The following SLC25A48 variants were observed in gnomAD, a reference collection of about 807,000 sequenced individuals.
SLC25A48 encodes CTC-321K16.1.
Under a neutral mutation model 32.2 loss-of-function variants are expected in SLC25A48, and 29 were observed. The ratio of observed to expected loss-of-function variants is 0.90; its 90% CI spans 0.67 to 1.23. SLC25A48 has a LOEUF of 1.23. Among genes scored for constraint, SLC25A48 ranks in the 50% most tolerant of loss-of-function variants. The pLI, the probability that SLC25A48 is intolerant of heterozygous loss-of-function variation, is 0.00. For synonymous variants in SLC25A48, 164 were observed against 172.3 expected, an observed-to-expected ratio of 0.95 and a Z score of 0.38; for missense variants, 399 against 422.7, an observed-to-expected ratio of 0.94 and a Z score of 0.49.
intron 2 of SLC25A48, among the ~76,000 whole-genome samples, chr5:135,843,198 A>T (rs1412291263): frequency 3.9e-5 from 6 of 152,222 alleles, no homozygotes; most frequent in Admixed American, 2.0e-4. Context: ...CCCAGGGGAC[A>T]TCCCAATGCA....
intron 3 of SLC25A48, among the ~76,000 whole-genome samples, chr5:135,737,280 G>T (rs71587588): frequency 0.067 from 10,188 of 152,046 alleles, 567 homozygotes; most frequent in East Asian, 0.32. Flanking sequence ...TGGCTGGCAG[G>T]GGTGGGGGTC....
chr5:135,643,292 T>C (rs898162489), intron 3 of SLC25A48, among the ~76,000 whole-genome samples: 5 of 152,202 alleles, frequency 3.3e-5, no homozygotes, highest in African/African-American at 1.2e-4. Context: ...CTTGTGTGTT[T>C]TCAGCCCTTC....
At chr5:135,586,603 A>G (rs1366640218) in intron 1 of SLC25A48, among the ~76,000 whole-genome samples, 1 of 152,184 alleles carries the variant, frequency 6.6e-6, no homozygotes, top group African/African-American at 2.4e-5. Context: ...CTAAGCTCTC[A>G]TAGGGCACAG....
At chr5:135,615,348 A>G (rs1403918189) in intron 1 of SLC25A48, among the ~76,000 whole-genome samples, 1 of 152,196 alleles carries the variant, frequency 6.6e-6, no homozygotes, top group East Asian at 1.9e-4. Flanking sequence ...TCTCAGATAC[A>G]GGTGAGGAAC....
Position 135,767,546 on chromosome 5 carries a change from G to A in SLC25A48, c.-520-44977G>A, listed in dbSNP as rs145405444. 3.8e-4 allele frequency among the ~76,000 whole-genome samples: 57 copies of A among 151,914 alleles called. No individual in the cohort carries two copies. The East Asian group carries it at 8.1e-3, about 22-fold the overall frequency. ...ACTTTCAATATCGTAAACACTCTGT[G>A]TACACCCTCTGTGATATTTTTTGTA... is the stretch of plus-strand genomic sequence containing the variant. On this transcript the variant is annotated intron_variant, in intron 3 of 10. Coordinates refer to the SLC25A48 transcript ENST00000646290.
At chr5:135,886,588 A>AATATATATATATATATATATAT (rs147005349) in intron 7 of SLC25A48, among the ~76,000 whole-genome samples, 1 of 35,450 alleles carries the variant, frequency 2.8e-5, no homozygotes, top group Non-Finnish European at 4.7e-5. Flanking sequence ...TATTTAACCA[A>AATATATATATATATATATATAT]ATATATATAT....
At chr5:135,814,110 G>T (rs1757656771) in intron 4 of SLC25A48, among the ~76,000 whole-genome samples, 2 of 152,218 alleles carry the variant, frequency 1.3e-5, no homozygotes, top group South Asian at 2.1e-4. Flanking sequence ...AATCTGCGCT[G>T]CAGTTGAGCC....
chr5:135,615,641 G>T (rs143818480), intron 1 of SLC25A48, among the ~76,000 whole-genome samples: 1 of 152,208 alleles, frequency 6.6e-6, no homozygotes, highest in African/African-American at 2.4e-5. Context: ...CAGCCCGGCC[G>T]TATGGTAGAG....
Position 135,743,331 on chromosome 5 carries a change from C to G in SLC25A48, c.-520-69192C>G, listed in dbSNP as rs143281415. Among the ~76,000 whole-genome samples the G allele has an allele frequency of 6.6e-3, 1,003 of 151,702 alleles. 16 individuals carry two copies. Among genetic ancestry groups the G allele is most frequent in the African/African-American group, 0.023 (968 of 41,340 alleles). ...AAGTGATCCACCCGCCTCGGCCTCC[C>G]AAAGTGTTGGAATTAAAGGCATGAG... On this transcript the variant is annotated intron_variant, in intron 3 of 10. Transcript: ENST00000646290.
At chr5:135,847,443 AATGGTCCCCAG>A (rs1298461573) in intron 2 of SLC25A48, among the ~76,000 whole-genome samples, 5 of 152,198 alleles carry the variant, frequency 3.3e-5, no homozygotes, top group African/African-American at 1.2e-4. Context: ...TTGACTGAAT[AATGGTCCCCAG>A]ATGTGCCTGT....
chr5:135,585,592 A>G (rs917888503), intron 1 of SLC25A48, among the ~76,000 whole-genome samples: 4 of 152,188 alleles, frequency 2.6e-5, no homozygotes, highest in African/African-American at 9.7e-5. Flanking sequence ...AGGGCCGGGC[A>G]CACAGTAGGT....
chr5:135,801,701 TAGA>T (rs1290988524), intron 3 of SLC25A48, among the ~76,000 whole-genome samples: 1 of 151,332 alleles, frequency 6.6e-6, no homozygotes, highest in Non-Finnish European at 1.5e-5. Flanking sequence ...TTTGTAATAT[TAGA>T]AGGAGAGGGG....
intron 6 of SLC25A48, among the ~76,000 whole-genome samples, chr5:135,876,796 G>A (rs962933067): frequency 8.5e-5 from 13 of 152,114 alleles, no homozygotes; most frequent in African/African-American, 2.7e-4. Flanking sequence ...AAACAATCAG[G>A]TTGTCTCAAA....
At chr5:135,717,777 C>T (rs769713828) in intron 3 of SLC25A48, among the ~76,000 whole-genome samples, 18 of 152,118 alleles carry the variant, frequency 1.2e-4, no homozygotes, top group African/African-American at 3.9e-4. Context: ...GCTGATCCCA[C>T]GATTTGATTT....
chr5:135,644,506 G>A (rs760093672), intron 3 of SLC25A48, among the ~76,000 whole-genome samples: 1 of 152,112 alleles, frequency 6.6e-6, no homozygotes, highest in Non-Finnish European at 1.5e-5. Flanking sequence ...AATGAAAATA[G>A]CCAGCATTTG....
chr5:135,768,650 T>A (rs994408372), intron 3 of SLC25A48, among the ~76,000 whole-genome samples: 1 of 151,670 alleles, frequency 6.6e-6, no homozygotes, highest in African/African-American at 2.4e-5. Context: ...ATATTGTTCA[T>A]AGTATCCAGG....
chr5:135,679,291 A>G (rs1317963272), intron 3 of SLC25A48, among the ~76,000 whole-genome samples: 1 of 152,300 alleles, frequency 6.6e-6, no homozygotes. Context: ...GGCTTACAAC[A>G]GAGGTAAACT....
At chr5:135,743,191 C>T (rs1000940693) in intron 3 of SLC25A48, among the ~76,000 whole-genome samples, 2 of 146,382 alleles carry the variant, frequency 1.4e-5, no homozygotes, top group African/African-American at 2.6e-5. Flanking sequence ...CCTGCCTCAG[C>T]CTCCTAAGTA....
chr5:135,822,293 T>G (rs979958485), intron 4 of SLC25A48: 1 of 152,324 alleles, frequency 6.6e-6, no homozygotes, highest in South Asian at 2.1e-4. Context: ...CAAACCCACA[T>G]GAGTTAGTGT....
Sources: gnomAD v4.1 joint callset for allele counts (sites outside exome capture counted in the v4.1 genomes callset) on GRCh38, gnomAD v4.1.1 for gene constraint, MANE v1.5 for transcripts, NCBI Gene and HGNC (gene_info 2026-07-23, HGNC 2026-07-21) for gene names.